PDGFRL: variants seen among roughly 807,000 people sequenced by gnomAD.
PDGFRL encodes platelet-derived growth factor receptor-like protein.
PDGFRL carries 46 observed loss-of-function variants against 37.2 expected under a neutral mutation model. The ratio of observed to expected loss-of-function variants is 1.24; its 90% CI spans 0.98 to 1.58. PDGFRL has a LOEUF of 1.58. PDGFRL is among the 40% of genes most tolerant of loss of function. The probability of loss-of-function intolerance (pLI) is 0.00; values close to 1 mark genes in which losing one functional copy is unlikely to be tolerated. For missense variants in PDGFRL, 692 were observed against 467.6 expected (o/e 1.48, Z -4.43); for synonymous variants, 251 against 184.3 (o/e 1.36, Z -2.93).
chr8:17,627,927 A>G (rs1804765428), intron 3 of PDGFRL, among the ~76,000 whole-genome samples: 1 of 149,742 alleles, frequency 6.7e-6, no homozygotes, highest in African/African-American at 2.5e-5. Context: ...TTGCTTCCTC[A>G]TGGTGGTGAT....
chr8:17,635,040 C>G (rs1310823708), intron 5 of PDGFRL, among the ~76,000 whole-genome samples: 2 of 152,112 alleles, frequency 1.3e-5, no homozygotes, highest in Non-Finnish European at 2.9e-5. Context: ...TCCTCCTGCC[C>G]CCACCTCAGT....
Position 17,589,618 on chromosome 8 carries a change from T to A in PDGFRL, c.206T>A (p.Met69Lys). The A allele has an allele frequency of 6.2e-7, 1 of 1,614,018 alleles. No homozygotes were observed. Among genetic ancestry groups the A allele is most frequent in the Non-Finnish European group, 8.5e-7 (1 of 1,179,958 alleles). The change falls in exon 2 of 6, where the codon ATG becomes AAG. Residue 69 changes from methionine to lysine, a missense_variant. Met to Lys is a moderately conservative substitution (Grantham distance 95). Transcript: ENST00000251630. ...GCACCAAAGACGCAGTCTATCATGA[T>A]GCAAGTGCTGGATAAAGGTCGCTTC... ...NSAPKTQSIM[M>K]QVLDKGRFQK...
chr8:17,628,819 C>G (rs1255620736), intron 4 of PDGFRL, 39 bp downstream of exon 4: 1 of 1,471,472 alleles, frequency 6.8e-7, no homozygotes, highest in African/African-American at 1.4e-5. Context: ...TAGTTAGTCC[C>G]CTGGTCAGTT....
intron 2 of PDGFRL, among the ~76,000 whole-genome samples, chr8:17,597,805 A>G (rs1265543694): frequency 2.6e-5 from 4 of 152,174 alleles, no homozygotes; most frequent in African/African-American, 9.7e-5. Flanking sequence ...GTAAAACAAG[A>G]TGGTCTCTAA....
chr8:17,631,008 A>G (rs967686257), intron 4 of PDGFRL, among the ~76,000 whole-genome samples: 3 of 152,094 alleles, frequency 2.0e-5, no homozygotes, highest in African/African-American at 7.2e-5. Flanking sequence ...CCACCAGAAC[A>G]TACAGTGGAG....
At position 17,628,533 on chromosome 8, in the gene PDGFRL, C is replaced by G. The variant is rs1362948119; in HGVS notation, c.552C>G (p.Val184=). The change falls in exon 4 of 6, where the codon GTC becomes GTG. Residue 184 remains valine, a synonymous_variant. Coordinates refer to ENST00000251630, the MANE Select transcript of PDGFRL (RefSeq NM_001372073.1). ...FVPSPSYFDV[V]YLNPDRQAVV... ...CTTCTCCCAGCTACTTCGATGTTGTCTACTTGAACCCGGACAGACAGGCTG... is the reference window on the plus strand; with the variant it reads ...CTTCTCCCAGCTACTTCGATGTTGTGTACTTGAACCCGGACAGACAGGCTG... The G allele has an allele frequency of 1.2e-5, 19 of 1,613,902 alleles. No individual in the cohort carries two copies. The highest frequency in any genetic ancestry group is 1.5e-5 in the Non-Finnish European group (18 of 1,179,898).
intron 4 of PDGFRL, 104 bp downstream of exon 4, chr8:17,628,884 T>G (rs1398191221): frequency 2.8e-6 from 2 of 719,074 alleles, no homozygotes; most frequent in Non-Finnish European, 4.7e-6. Context: ...CATGAGTGCC[T>G]TTTGTTTCAT....
chr8:17,589,831 A>G (rs1355811891), intron 2 of PDGFRL, 66 bp downstream of exon 2: 2 of 920,034 alleles, frequency 2.2e-6, no homozygotes, highest in Non-Finnish European at 3.3e-6. Context: ...ATTCCTTCTT[A>G]ACTATTATTA....
intron 2 of PDGFRL, among the ~76,000 whole-genome samples, chr8:17,616,242 C>T (rs1050691237): frequency 1.3e-5 from 2 of 151,746 alleles, no homozygotes; most frequent in African/African-American, 2.4e-5. Context: ...GTCACCAGGC[C>T]GGAGTGCAGT....
Position 17,642,162 on chromosome 8 carries a change from G to A in PDGFRL, c.940-451G>A, listed in dbSNP as rs1805133212. ...CTCCCTCTCTCAAATCTGAGCAATT[G>A]GGAGCTCTTAGTCATTTATACAGTG... On this transcript the variant is annotated intron_variant, in intron 5 of 5. Coordinates refer to ENST00000251630, the MANE Select transcript of PDGFRL (RefSeq NM_001372073.1). 2.0e-5 allele frequency among the ~76,000 whole-genome samples: 3 copies of A among 152,016 alleles called. No homozygotes were observed. In the South Asian group the frequency reaches 6.2e-4, roughly 32 times the overall value.
chr8:17,596,734 G>A (rs1284328651), intron 2 of PDGFRL, among the ~76,000 whole-genome samples: 1 of 150,660 alleles, frequency 6.6e-6, no homozygotes, highest in Non-Finnish European at 1.5e-5. Context: ...ACAGATGTGG[G>A]CTTCCAAAAA....
chr8:17,592,339 C>T (rs951033981), intron 2 of PDGFRL, among the ~76,000 whole-genome samples: 1 of 152,204 alleles, frequency 6.6e-6, no homozygotes, highest in African/African-American at 2.4e-5. Context: ...TGTCCCCTGT[C>T]TGAGGCGCTC....
intron 1 of PDGFRL, among the ~76,000 whole-genome samples, chr8:17,584,471 C>G (rs73561247): frequency 0.022 from 3,397 of 151,928 alleles, 154 homozygotes; most frequent in South Asian, 0.16. Context: ...TGTGAGGTCA[C>G]TTAGAGAGTG....
At chr8:17,592,916 GCA>G (rs140137425) in intron 2 of PDGFRL, among the ~76,000 whole-genome samples, 7,137 of 29,432 alleles carry the variant, frequency 0.24, 539 homozygotes, top group African/African-American at 0.27. Context: ...CCACATACAT[GCA>G]CACACACACA....
rs539324415 is a variant in PDGFRL at position 17,609,667 on chromosome 8, A to C, written c.354-11384A>C. Among the ~76,000 whole-genome samples the C allele has an allele frequency of 5.1e-3, 444 of 86,460 alleles. 7 individuals carry two copies. The highest frequency in any genetic ancestry group is 0.021 in the African/African-American group (425 of 20,510). 56.7% of individuals were successfully genotyped at this position (86,460 alleles called of 152,430 possible). ...AAAAAAAAAAAAAAAAAAAAAAAAT[A>C]AGAGCCAAAGAGAACAGCATCAAAC... On this transcript the variant is annotated intron_variant, in intron 2 of 5. Coordinates refer to ENST00000251630, the MANE Select transcript of PDGFRL (RefSeq NM_001372073.1).
chr8:17,638,424 A>G (rs1805017171), intron 5 of PDGFRL, among the ~76,000 whole-genome samples: 1 of 151,882 alleles, frequency 6.6e-6, no homozygotes, highest in Non-Finnish European at 1.5e-5. Flanking sequence ...ATATAATTTC[A>G]GTTTTCTTAA....
rs533396412 is a variant in PDGFRL at position 17,597,312 on chromosome 8, C to T, written c.353+7547C>T. 3.3e-5 allele frequency among the ~76,000 whole-genome samples: 5 copies of T among 152,352 alleles called. No homozygotes were observed. The East Asian group carries it at 9.7e-4, about 29-fold the overall frequency. On this transcript the variant is annotated intron_variant, in intron 2 of 5. Transcript: ENST00000251630. ...CTGAGATTTCAGGCATGAGCCTCCT[C>T]GTCCAGCCAAGCCTTGTAGTTATAA...
At chr8:17,587,603 G>T (rs1468306774) in intron 1 of PDGFRL, among the ~76,000 whole-genome samples, 1 of 152,016 alleles carries the variant, frequency 6.6e-6, no homozygotes, top group African/African-American at 2.4e-5. Flanking sequence ...CAGTGCAGTG[G>T]TACAATCATA....
Position 17,587,918 on chromosome 8 carries a change from C to T in PDGFRL, c.56-1550C>T, listed in dbSNP as rs575230514. The stretch of plus-strand genomic sequence containing the variant: ...ATGCTGGGATTACAGGCATGAGCCA[C>T]CACACCTGGCCTACAGTCCCCTATT... On this transcript the variant is annotated intron_variant, in intron 1 of 5. Transcript: ENST00000251630. 1.4e-4 allele frequency among the ~76,000 whole-genome samples: 21 copies of T among 152,262 alleles called. 1 individual carries two copies. The highest frequency in any genetic ancestry group is 4.6e-4 in the Admixed American group (7 of 15,296).
Sources: gnomAD v4.1 joint callset for allele counts (sites outside exome capture counted in the v4.1 genomes callset) on GRCh38, gnomAD v4.1.1 for gene constraint, MANE v1.5 for transcripts, NCBI Gene and HGNC (gene_info 2026-07-23, HGNC 2026-07-21) for gene names.